The following TTC7A variants were observed in gnomAD, a reference collection of about 807,000 sequenced individuals.
TTC7A encodes tetratricopeptide repeat domain 7A.
Under a neutral mutation model 103.7 loss-of-function variants are expected in TTC7A, and 110 were observed. The observed-to-expected ratio is 1.06, with a 90% confidence interval of 0.91 to 1.24. The LOEUF (loss-of-function observed/expected upper bound fraction) is 1.24. Among genes scored for constraint, TTC7A ranks in the 50% most tolerant of loss-of-function variants. The pLI is 0.00. For synonymous variants in TTC7A, 521 were observed against 467.9 expected, an observed-to-expected ratio of 1.11 and a Z score of -1.47; for missense variants, 1,340 against 1,116.3, an observed-to-expected ratio of 1.20 and a Z score of -2.86.
chr2:47,026,283 T>A (rs1232993051), intron 14 of TTC7A, among the ~76,000 whole-genome samples: 1 of 152,164 alleles, frequency 6.6e-6, no homozygotes, highest in African/African-American at 2.4e-5. Flanking sequence ...TCAGGTCTGC[T>A]CTAGCAGAGT....
intron 6 of TTC7A, chr2:46,994,146 C>T: frequency 1.7e-6 from 1 of 577,336 alleles, no homozygotes; most frequent in Non-Finnish European, 3.1e-6. Context: ...GAGGTAGGAG[C>T]CGTCTGAGGC....
intron 11 of TTC7A, among the ~76,000 whole-genome samples, chr2:47,013,122 A>G (rs1660954006): frequency 6.6e-6 from 1 of 152,184 alleles, no homozygotes; most frequent in African/African-American, 2.4e-5. Context: ...ATGACCAAGT[A>G]GGGAGAGGGC....
At chr2:46,990,887 G>C (rs1304364658) in intron 5 of TTC7A, among the ~76,000 whole-genome samples, 1 of 152,084 alleles carries the variant, frequency 6.6e-6, no homozygotes, top group Non-Finnish European at 1.5e-5. Context: ...ATAAAGCCCA[G>C]ATTGCTGGGC....
At chr2:47,029,407 G>A in intron 15 of TTC7A, 23 bp downstream of exon 15, 1 of 1,612,046 alleles carries the variant, frequency 6.2e-7, no homozygotes, top group Non-Finnish European at 8.5e-7. Flanking sequence ...GGAACACTCT[G>A]GCAGTGGGGG....
intron 1 of TTC7A, among the ~76,000 whole-genome samples, chr2:46,946,997 C>CTGTGAAAGCCTTCTGTTGATTGA (rs1383419211): frequency 6.6e-6 from 1 of 152,008 alleles, no homozygotes; most frequent in African/African-American, 2.4e-5. Context: ...CTGTGAAGGA[C>CTGTGAAAGCCTTCTGTTGATTGA]CTGAAGTGTC....
At position 47,032,960 on chromosome 2, in the gene TTC7A, C is replaced by T. The variant is rs200357877; in HGVS notation, c.1802+3576C>T. Among the ~76,000 whole-genome samples, 13 of 151,460 alleles carry T rather than the reference C, an allele frequency of 8.6e-5. No individual in the cohort carries two copies. The East Asian group carries it at 1.9e-3, about 23-fold the overall frequency. On this transcript the variant is annotated intron_variant, in intron 15 of 19. Coordinates refer to ENST00000319190, the MANE Select transcript of TTC7A (RefSeq NM_020458.4). ...GGGTGGGGCTGAGAAGTCCATGTAC[C>T]GCCAGACTATGGTGAGTGACCATAG...
At chr2:47,014,742 G>T (rs180732312) in intron 11 of TTC7A, among the ~76,000 whole-genome samples, 1 of 152,364 alleles carries the variant, frequency 6.6e-6, no homozygotes, top group Non-Finnish European at 1.5e-5. Flanking sequence ...CCCATGAGCA[G>T]GGGACAGAAA....
intron 10 of TTC7A, among the ~76,000 whole-genome samples, chr2:47,010,072 C>G (rs950291053): frequency 1.3e-5 from 2 of 152,044 alleles, no homozygotes; most frequent in African/African-American, 4.8e-5. Context: ...CTGACTTCTC[C>G]GCATTTCAGT....
intron 16 of TTC7A, chr2:47,047,025 C>G: frequency 2.2e-6 from 1 of 455,376 alleles, no homozygotes; most frequent in Non-Finnish European, 3.9e-6. Flanking sequence ...GGCCTGGGAC[C>G]TGGGTCTTTC....
chr2:46,941,762 C>A lies in TTC7A; in HGVS notation c.184+37C>A, dbSNP rs1193966424. ...AAGAGGCTGGCTCGCCGGCAGCGAG[C>A]GCGCGAAACGCACCGCCTCCTCCAG... On this transcript the variant is annotated intron_variant, in intron 1 of 19. Transcript: ENST00000319190. The surrounding 1 kb of genome is among the most constrained non-coding windows in gnomAD (Gnocchi z 4.2). The A allele has an allele frequency of 1.3e-6, 2 of 1,546,242 alleles. No individual in the cohort carries two copies. Among genetic ancestry groups the A allele is most frequent in the Non-Finnish European group, 1.7e-6 (2 of 1,145,304 alleles).
At position 46,957,107 on chromosome 2, in the gene TTC7A, C is replaced by G. The variant is rs905215142; in HGVS notation, c.517+100C>G. The G allele has an allele frequency of 2.0e-6, 3 of 1,466,036 alleles. No homozygotes were observed. The African/African-American group carries it at 4.2e-5, about 20-fold the overall frequency. The allele number at this position is 1,466,036 out of a possible 1,614,324, so 90.8% of individuals were successfully genotyped here. A position where few individuals can be genotyped will look rare whatever the true frequency, so the allele number is the denominator to read the frequency against. On this transcript the variant is annotated intron_variant, in intron 3 of 19. Coordinates refer to ENST00000319190, the MANE Select transcript of TTC7A (RefSeq NM_020458.4). The stretch of plus-strand genomic sequence containing the variant: ...GGGCTCGTGTCCAGATTCTTCACCC[C>G]TGGTAGTGCCCATGCCCTGGCACTG...
In TTC7A at chr2:47,031,257, G is replaced by A. The variant is rs75047702; in HGVS notation, c.1802+1873G>A. ...ACAGTGTGTGGACAAGGGATTAGTTGCCTTGTCTTGTTAATCCCAAGTACA... is the reference window on the plus strand; with the variant it reads ...ACAGTGTGTGGACAAGGGATTAGTTACCTTGTCTTGTTAATCCCAAGTACA... On this transcript the variant is annotated intron_variant, in intron 15 of 19. Coordinates refer to ENST00000319190, the MANE Select transcript of TTC7A (RefSeq NM_020458.4). Among the ~76,000 whole-genome samples the A allele has an allele frequency of 9.4e-3, 1,426 of 152,324 alleles. 21 individuals are homozygous for A. The highest frequency in any genetic ancestry group is 0.032 in the African/African-American group (1,349 of 41,572).
chr2:47,031,902 A>T (rs1371612382), intron 15 of TTC7A, among the ~76,000 whole-genome samples: 2 of 152,176 alleles, frequency 1.3e-5, no homozygotes, highest in Admixed American at 1.3e-4. Context: ...TGGGGGACCC[A>T]CTCGTGGCTC....
chr2:47,048,376 A>G (rs1355349259), intron 16 of TTC7A, among the ~76,000 whole-genome samples: 2 of 152,222 alleles, frequency 1.3e-5, no homozygotes, highest in Non-Finnish European at 2.9e-5. Flanking sequence ...GAGAAAGAGT[A>G]GGATGGGAAG....
At chr2:46,964,538 G>C (rs1324750421) in intron 3 of TTC7A, among the ~76,000 whole-genome samples, 1 of 152,186 alleles carries the variant, frequency 6.6e-6, no homozygotes, top group African/African-American at 2.4e-5. Context: ...GCTCACCTAT[G>C]GTTCAGCACT....
rs535634332 is a variant in TTC7A, at chr2:47,042,948, C to T, written c.1803-3367C>T. 3.9e-5 allele frequency among the ~76,000 whole-genome samples: 6 copies of T among 152,338 alleles called. No individual in the cohort carries two copies. In the South Asian group the frequency reaches 1.0e-3, roughly 26 times the overall value. ...ATCCCCAGCCCCGACTGCCAGCAGC[C>T]TCCCCCCAGCTTCCCCCAGGAGTCA... On this transcript the variant is annotated intron_variant, in intron 15 of 19. Coordinates refer to ENST00000319190, the MANE Select transcript of TTC7A (RefSeq NM_020458.4).
chr2:46,917,820 C>A (rs531562294), intron 2 of TTC7A, among the ~76,000 whole-genome samples: 1 of 152,226 alleles, frequency 6.6e-6, no homozygotes, highest in African/African-American at 2.4e-5. Flanking sequence ...GCCAACCACT[C>A]TCACTTAGAA....
At chr2:47,065,117 C>G (rs1237165110) in intron 19 of TTC7A, among the ~76,000 whole-genome samples, 7 of 152,104 alleles carry the variant, frequency 4.6e-5, no homozygotes, top group Non-Finnish European at 8.8e-5. Flanking sequence ...GAAACCCCAT[C>G]TCTACTAAAA....
At chr2:46,928,800 A>G (rs1414383907) in intron 2 of TTC7A, among the ~76,000 whole-genome samples, 2 of 152,038 alleles carry the variant, frequency 1.3e-5, no homozygotes, top group Non-Finnish European at 2.9e-5. Context: ...TTGAAATCAT[A>G]TAAAGTTTAC....
Sources: allele counts gnomAD v4.1 joint callset (sites outside exome capture counted in the v4.1 genomes callset), GRCh38; gene constraint gnomAD v4.1.1; non-coding constraint Gnocchi (gnomAD v3.1); transcripts MANE v1.5; gene names NCBI Gene and HGNC (gene_info 2026-07-23, HGNC 2026-07-21).